Variants in HDAC9 observed in about 807,000 individuals in gnomAD.
HDAC9 encodes the protein histone deacetylase 9.
HDAC9 carries 41 observed loss-of-function variants against 139.4 expected under a neutral mutation model. The observed-to-expected ratio is 0.29, with a 90% CI of 0.23 to 0.38. HDAC9 has a LOEUF of 0.38. Among genes scored for constraint, HDAC9 ranks in the 10% least tolerant of loss-of-function variants. The probability of loss-of-function intolerance (pLI) is 1.00; values close to 1 mark genes in which losing one functional copy is unlikely to be tolerated. For synonymous variants in HDAC9, 517 were observed against 476.2 expected, an observed-to-expected ratio of 1.09 and a Z score of -1.12; for missense variants, 1,147 against 1,297.0, an observed-to-expected ratio of 0.88 and a Z score of 1.78.
intron 2 of HDAC9, among the ~76,000 whole-genome samples, chr7:18,280,980 C>T (rs955339307): frequency 6.6e-6 from 1 of 152,162 alleles, no homozygotes; most frequent in Non-Finnish European, 1.5e-5. Context: ...AAATGAACCT[C>T]ACATGTGATT....
At chr7:18,117,541 G>C (rs1423350186) in intron 1 of HDAC9, among the ~76,000 whole-genome samples, 1 of 151,300 alleles carries the variant, frequency 6.6e-6, no homozygotes, top group Non-Finnish European at 1.5e-5. Flanking sequence ...GAGAGACTGA[G>C]ATCCCCGCAG....
rs1319149682 is a variant in HDAC9, at chr7:18,997,330, C to G, written c.*1268C>G. 1 of 151,094 alleles carries G rather than the reference C, an allele frequency of 6.6e-6. No homozygotes were observed. Among genetic ancestry groups the G allele is most frequent in the Non-Finnish European group, 1.5e-5 (1 of 67,816 alleles). The allele number at this position is 151,094 out of a possible 1,614,324, so 9.4% of individuals were successfully genotyped here. A position where few individuals can be genotyped will look rare whatever the true frequency, so the allele number is the denominator to read the frequency against. ...AAAAAAAAACAAAAACAAAAAACAG[C>G]CTTTAAACAAGTTTCCTTAGTGTCA... On this transcript the variant is annotated 3_prime_UTR_variant, in exon 26 of 26. Coordinates refer to ENST00000686413, the MANE Select transcript of HDAC9 (RefSeq NM_178425.4).
chr7:18,204,887 G>C (rs1279657323), intron 2 of HDAC9, among the ~76,000 whole-genome samples: 2 of 151,830 alleles, frequency 1.3e-5, no homozygotes, highest in African/African-American at 4.8e-5. Flanking sequence ...AGCTCAAACT[G>C]TTGTAAAAGT....
chr7:18,096,204 A>G (rs1482411421), intron 1 of HDAC9, among the ~76,000 whole-genome samples: 1 of 152,202 alleles, frequency 6.6e-6, no homozygotes, highest in Non-Finnish European at 1.5e-5. Flanking sequence ...GGATGCATGC[A>G]TTATCTTCAC....
intron 1 of HDAC9, among the ~76,000 whole-genome samples, chr7:18,145,445 A>G (rs1012160437): frequency 3.3e-5 from 5 of 152,212 alleles, no homozygotes; most frequent in African/African-American, 1.2e-4. Flanking sequence ...ACATATGTCA[A>G]TCATATTACT....
At chr7:18,595,836 C>T (rs543390392) in intron 6 of HDAC9, among the ~76,000 whole-genome samples, 41 of 152,054 alleles carry the variant, frequency 2.7e-4, no homozygotes, top group Non-Finnish European at 6.0e-4. Flanking sequence ...AGGAGAAGTA[C>T]TAAAAACCCA....
chr7:18,394,175 G>T (rs1786806724), intron 1 of HDAC9, among the ~76,000 whole-genome samples: 1 of 152,114 alleles, frequency 6.6e-6, no homozygotes, highest in African/African-American at 2.4e-5. Flanking sequence ...TAAATATTTA[G>T]AAAGAGGCTA....
intron 21 of HDAC9, among the ~76,000 whole-genome samples, chr7:18,843,097 GA>G: frequency 6.6e-6 from 1 of 152,098 alleles, no homozygotes; most frequent in Admixed American, 6.6e-5. Flanking sequence ...AAATTTTCTG[GA>G]ATCTGTATAG....
chr7:18,354,585 T>G (rs1471292827), intron 1 of HDAC9, among the ~76,000 whole-genome samples: 1 of 152,282 alleles, frequency 6.6e-6, no homozygotes, highest in East Asian at 1.9e-4. Context: ...AGATATGCGC[T>G]GTACGTAAGA....
intron 24 of HDAC9, among the ~76,000 whole-genome samples, chr7:18,962,167 T>C (rs1391416751): frequency 6.6e-6 from 1 of 152,156 alleles, no homozygotes; most frequent in Non-Finnish European, 1.5e-5. Flanking sequence ...CCCTGCCCTG[T>C]TGAGTTTAAA....
chr7:18,150,483 A>C (rs1215928420), intron 1 of HDAC9, among the ~76,000 whole-genome samples: 2 of 152,082 alleles, frequency 1.3e-5, no homozygotes, highest in Non-Finnish European at 2.9e-5. Flanking sequence ...TGGCTAAGGG[A>C]CTCTGCCTTA....
At chr7:18,374,349 A>T (rs1424858431) in intron 1 of HDAC9, among the ~76,000 whole-genome samples, 2 of 152,032 alleles carry the variant, frequency 1.3e-5, no homozygotes, top group African/African-American at 4.8e-5. Context: ...ATAGGTTCTG[A>T]TAAATACATG....
At chr7:18,181,358 G>A (rs951932312) in intron 2 of HDAC9, among the ~76,000 whole-genome samples, 1 of 152,144 alleles carries the variant, frequency 6.6e-6, no homozygotes, top group African/African-American at 2.4e-5. Flanking sequence ...TCATTATATT[G>A]TTGGTGAGAT....
chr7:18,485,153 T>G (rs547615024), intron 1 of HDAC9, among the ~76,000 whole-genome samples: 3 of 152,270 alleles, frequency 2.0e-5, no homozygotes, highest in Admixed American at 1.3e-4. Flanking sequence ...ATTCCTAGGT[T>G]CGAATTAAAT....
chr7:18,414,735 A>G (rs898758369), intron 1 of HDAC9, among the ~76,000 whole-genome samples: 2 of 152,250 alleles, frequency 1.3e-5, no homozygotes, highest in Non-Finnish European at 2.9e-5. Context: ...GGTAGGCACA[A>G]ACGCTTCTTA....
At chr7:18,498,341 C>T (rs1303272273) in intron 2 of HDAC9, among the ~76,000 whole-genome samples, 1 of 152,026 alleles carries the variant, frequency 6.6e-6, no homozygotes, top group Admixed American at 6.6e-5. Context: ...AGATTCCACT[C>T]CCAGAATGCC....
At chr7:18,197,038 A>T (rs887911149) in intron 2 of HDAC9, among the ~76,000 whole-genome samples, 2 of 152,188 alleles carry the variant, frequency 1.3e-5, no homozygotes, top group African/African-American at 4.8e-5. Context: ...AATTGGTTGA[A>T]GGCCTGAGTA....
chr7:18,903,992 T>C (rs1801971746), intron 22 of HDAC9, among the ~76,000 whole-genome samples: 2 of 152,168 alleles, frequency 1.3e-5, no homozygotes, highest in East Asian at 1.9e-4. Context: ...CTGGCTACGA[T>C]TGGGAACAGA....
intron 8 of HDAC9, among the ~76,000 whole-genome samples, chr7:18,639,271 G>C (rs952867419): frequency 1.3e-5 from 2 of 151,960 alleles, no homozygotes; most frequent in Non-Finnish European, 2.9e-5. Flanking sequence ...AGTGGGTGTA[G>C]AGCTGTGGTT....
Sources: gnomAD v4.1 joint callset for allele counts (sites outside exome capture counted in the v4.1 genomes callset) on GRCh38, gnomAD v4.1.1 for gene constraint, MANE v1.5 for transcripts, NCBI Gene and HGNC (gene_info 2026-07-23, HGNC 2026-07-21) for gene names.